The following HBP1 variants were observed in gnomAD, a reference collection of about 807,000 sequenced individuals.
The protein encoded by HBP1 is HMG box-containing protein 1.
HBP1 carries 20 observed loss-of-function variants against 62.6 expected under a neutral mutation model. The ratio of observed to expected loss-of-function variants is 0.32; its 90% CI spans 0.22 to 0.46. HBP1 has a LOEUF of 0.46. HBP1 is among the 20% of genes least tolerant of loss of function. HBP1 has a pLI of 1.00. For synonymous variants in HBP1, 232 were observed against 206.2 expected (o/e 1.12, Z -1.07); for missense variants, 480 against 611.8 (o/e 0.78, Z 2.27).
At position 107,196,021 on chromosome 7, in the gene HBP1, A is replaced by G; in HGVS notation, c.1255A>G (p.Lys419Glu). ...SSNSLYAKAV[K>E]NHSSGTVSAT... ...CAATTCTTTGTATGCTAAAGCTGTC[A>G]AAAACCACAGCTCAGGGACTGTGAG... The change falls in exon 9 of 11, where the codon AAA (lysine) becomes GAA (glutamate). Residue 419 changes from lysine to glutamate, a missense_variant. By Grantham distance (56) the Lys-to-Glu change is moderately conservative. Transcript: ENST00000222574. The G allele has an allele frequency of 1.2e-6, 2 of 1,613,970 alleles. No homozygotes were observed. Among genetic ancestry groups the G allele is most frequent in the Non-Finnish European group, 1.7e-6 (2 of 1,179,830 alleles).
intron 1 of HBP1, chr7:107,169,900 A>C (rs1006411076): frequency 4.1e-6 from 4 of 985,416 alleles, no homozygotes; most frequent in African/African-American, 1.7e-5. Flanking sequence ...TGTGACCCAA[A>C]GAGGAGGCTT....
At chr7:107,179,319 C>T (rs973345750) in intron 1 of HBP1, among the ~76,000 whole-genome samples, 5 of 152,086 alleles carry the variant, frequency 3.3e-5, no homozygotes. Flanking sequence ...CATTTTTCCT[C>T]AGCAGAAAAG....
At chr7:107,182,266 C>G (rs559721893) in intron 2 of HBP1, 107 bp from the exon 3 acceptor site, 2 of 643,900 alleles carry the variant, frequency 3.1e-6, no homozygotes, top group African/African-American at 3.6e-5. Flanking sequence ...TTTCCTCTCT[C>G]AAAATTAATT....
At chr7:107,196,416 C>T (rs1473952621) in intron 9 of HBP1, 1 of 416,058 alleles carries the variant, frequency 2.4e-6, no homozygotes, top group African/African-American at 2.0e-5. Flanking sequence ...CTACAGGCGC[C>T]CACCACCATA....
chr7:107,185,257 A>G (rs1441912923), intron 3 of HBP1, among the ~76,000 whole-genome samples: 1 of 152,210 alleles, frequency 6.6e-6, no homozygotes, highest in Non-Finnish European at 1.5e-5. Flanking sequence ...AGAAAACAAG[A>G]AATAGTGTCC....
At chr7:107,171,034 T>C (rs137879642) in intron 1 of HBP1, among the ~76,000 whole-genome samples, 7,281 of 129,556 alleles carry the variant, frequency 0.056, 330 homozygotes, top group Non-Finnish European at 0.08. Flanking sequence ...ATATATAACA[T>C]ATACATGTAT....
At chr7:107,198,572 C>T in intron 9 of HBP1, among the ~76,000 whole-genome samples, 1 of 152,150 alleles carries the variant, frequency 6.6e-6, no homozygotes, top group East Asian at 1.9e-4. Flanking sequence ...AATCAATCAT[C>T]TAACATTGAG....
intron 10 of HBP1, chr7:107,200,869 C>G (rs1798224793): frequency 6.6e-6 from 1 of 152,510 alleles, no homozygotes; most frequent in Non-Finnish European, 1.5e-5. Context: ...TATAACTTTT[C>G]CATTACTAAA....
chr7:107,197,984 A>AAAC (rs140491665), intron 9 of HBP1, among the ~76,000 whole-genome samples: 131 of 152,214 alleles, frequency 8.6e-4, no homozygotes, highest in Non-Finnish European at 1.7e-3. Context: ...TTTAATTATT[A>AAAC]AACATATCCT....
chr7:107,195,750 C>G (rs1049490791), intron 8 of HBP1, 84 bp from the exon 9 acceptor site: 5 of 532,072 alleles, frequency 9.4e-6, no homozygotes, highest in Non-Finnish European at 1.4e-5. Flanking sequence ...CAGATGTTTT[C>G]TTTTTTTTTT....
At chr7:107,186,166 C>CTTTTTTTT (rs80124304) in intron 4 of HBP1, among the ~76,000 whole-genome samples, 195 bp from the exon 5 acceptor site, 6 of 116,134 alleles carry the variant, frequency 5.2e-5, no homozygotes, top group Admixed American at 1.9e-4. Flanking sequence ...CTTTTTTTTT[C>CTTTTTTTT]TTTTTTTTTT....
chr7:107,178,648 T>G (rs1796969753), intron 1 of HBP1, among the ~76,000 whole-genome samples: 1 of 152,206 alleles, frequency 6.6e-6, no homozygotes, highest in Admixed American at 6.5e-5. Flanking sequence ...AGGTCCCAAA[T>G]TTTCATTAAG....
chr7:107,190,438 AATT>A (rs1449071685), intron 8 of HBP1, 121 bp downstream of exon 8: 5 of 638,208 alleles, frequency 7.8e-6, no homozygotes, highest in Non-Finnish European at 1.3e-5. Context: ...ATTATAAAAG[AATT>A]ATTAAGAGGA....
At position 107,185,935 on chromosome 7, in the gene HBP1, A is replaced by ATT. The variant is rs199499040; in HGVS notation, c.533_534insTT (p.Glu179SerfsTer39). The ATT allele has an allele frequency of 1.0e-3, 1,622 of 1,612,326 alleles. 19 individuals carry two copies. The East Asian group carries it at 0.033, about 33-fold the overall frequency. On this transcript the variant is annotated frameshift_variant, in exon 4 of 11. Coordinates refer to ENST00000222574, the MANE Select transcript of HBP1 (RefSeq NM_012257.4). LOFTEE classifies it high-confidence loss of function. ...TGGAAGGAGGAAACACCAGTAAGAC[A>ATT]CGAAAGGGTAAGTTTATTTATGAGG...
rs1183847504 is a variant in HBP1, at chr7:107,202,291, T to C, written c.*860T>C. ...TTACTGCAGTGCAACACTTGCACTT[T>C]AATTTTCCTCCAACTGTCTAAAATT... is the stretch of plus-strand genomic sequence containing the variant. On this transcript the variant is annotated 3_prime_UTR_variant, in exon 11 of 11. Coordinates refer to ENST00000222574, the MANE Select transcript of HBP1 (RefSeq NM_012257.4). The C allele has an allele frequency of 6.6e-6, 1 of 152,658 alleles. No individual in the cohort carries two copies. Among genetic ancestry groups the C allele is most frequent in the Admixed American group, 6.5e-5 (1 of 15,286 alleles). The allele number at this position is 152,658 out of a possible 1,614,324, so 9.5% of individuals were successfully genotyped here.
chr7:107,182,969 C>T (rs1361868812), intron 3 of HBP1, among the ~76,000 whole-genome samples: 2 of 152,060 alleles, frequency 1.3e-5, no homozygotes, highest in Admixed American at 1.3e-4. Context: ...AGTTGGGTTC[C>T]TTTTGGTCTA....
intron 8 of HBP1, among the ~76,000 whole-genome samples, chr7:107,195,146 C>T (rs1271112041): frequency 3.9e-5 from 6 of 152,142 alleles, no homozygotes; most frequent in Non-Finnish European, 7.4e-5. Context: ...CTCAGTCACC[C>T]GAATAGCTGG....
At chr7:107,169,642 C>T (rs1458874133) in intron 1 of HBP1, 2 of 667,858 alleles carry the variant, frequency 3.0e-6, no homozygotes, top group African/African-American at 1.9e-5. Flanking sequence ...GAGGCGCCGC[C>T]TCCTTCTGGA....
At chr7:107,193,267 A>G (rs1204804078) in intron 8 of HBP1, 1 of 152,194 alleles carries the variant, frequency 6.6e-6, no homozygotes, top group East Asian at 1.9e-4. Context: ...TTTAATATTA[A>G]TTACCCTATT....
Sources: allele counts gnomAD v4.1 joint callset (sites outside exome capture counted in the v4.1 genomes callset), GRCh38; gene constraint gnomAD v4.1.1; transcripts MANE v1.5; gene names NCBI Gene and HGNC (gene_info 2026-07-23, HGNC 2026-07-21).